MGAM2: variants seen among roughly 807,000 people sequenced by gnomAD.
The protein encoded by MGAM2 is maltase-glucoamylase 2 (putative), also known as probable maltase-glucoamylase 2.
MGAM2 carries 98 observed loss-of-function variants against 96.1 expected under a neutral mutation model. The ratio of observed to expected loss-of-function variants is 1.02; its 90% CI spans 0.87 to 1.21. The LOEUF is 1.21. Ranked by LOEUF, MGAM2 falls within the 50% of genes most tolerant of loss-of-function variation. The probability of loss-of-function intolerance (pLI) is 0.00; values close to 1 mark genes in which losing one functional copy is unlikely to be tolerated. For synonymous variants in MGAM2, 749 were observed against 414.8 expected (o/e 1.81, Z -9.79); for missense variants, 2,055 against 1,182.4 (o/e 1.74, Z -10.82).
chr7:142,190,251 A>C (rs909348078), intron 37 of MGAM2, among the ~76,000 whole-genome samples: 1 of 150,398 alleles, frequency 6.6e-6, no homozygotes, highest in Admixed American at 6.6e-5. Flanking sequence ...TTTTCTAAAA[A>C]GGCTGTACCA....
chr7:142,188,907 G>A (rs938328796), intron 36 of MGAM2, among the ~76,000 whole-genome samples: 2 of 152,214 alleles, frequency 1.3e-5, no homozygotes, highest in Non-Finnish European at 2.9e-5. Flanking sequence ...TTCAACTTGT[G>A]ATGGGTTCAT....
At chr7:142,185,668 A>G (rs1796671338) in intron 34 of MGAM2, among the ~76,000 whole-genome samples, 1 of 152,202 alleles carries the variant, frequency 6.6e-6, no homozygotes, top group Non-Finnish European at 1.5e-5. Context: ...AAGTAAAAAA[A>G]AAAAAGAAAA....
intron 31 of MGAM2, 102 bp from the exon 32 acceptor site, chr7:142,175,550 G>A: frequency 3.2e-6 from 2 of 628,904 alleles, no homozygotes; most frequent in Non-Finnish European, 5.6e-6. Context: ...GGCCTGGAAT[G>A]GGGCAGGCAG....
At position 142,201,418 on chromosome 7, in the gene MGAM2, G is replaced by A. The variant is rs547903327; in HGVS notation, c.5137+1450G>A. Among the ~76,000 whole-genome samples, 7 of 152,064 alleles carry A rather than the reference G, an allele frequency of 4.6e-5. No individual in the cohort carries two copies. The East Asian group carries it at 1.4e-3, about 29-fold the overall frequency. The stretch of plus-strand genomic sequence containing the variant: ...AACCATTGTTTCCATTTTAGATTAC[G>A]TCCATAGAGTAGATTCCTGGAAGTG... On this transcript the variant is annotated intron_variant, in intron 45 of 47. Coordinates refer to ENST00000477922, the MANE Select transcript of MGAM2 (RefSeq NM_001293626.2).
intron 6 of MGAM2, among the ~76,000 whole-genome samples, chr7:142,133,097 G>T (rs1169330121): frequency 4.6e-5 from 6 of 130,074 alleles, no homozygotes; most frequent in Admixed American, 1.6e-4. Context: ...TTATTTAATA[G>T]ACATTAATTT....
intron 37 of MGAM2, among the ~76,000 whole-genome samples, chr7:142,191,758 C>T (rs962147734): frequency 6.6e-6 from 1 of 151,930 alleles, no homozygotes; most frequent in African/African-American, 2.4e-5. Context: ...AAAATAGCAA[C>T]AGGGATTTTG....
At chr7:142,133,298 G>A (rs1794961580) in intron 6 of MGAM2, among the ~76,000 whole-genome samples, 1 of 143,406 alleles carries the variant, frequency 7.0e-6, no homozygotes. Context: ...TAAATATATA[G>A]TATATTTAAT....
intron 22 of MGAM2, among the ~76,000 whole-genome samples, chr7:142,161,594 A>T (rs1310077089): frequency 6.6e-6 from 1 of 152,222 alleles, no homozygotes; most frequent in African/African-American, 2.4e-5. Context: ...TAAGGTTTCC[A>T]TGTAAACACC....
intron 34 of MGAM2, among the ~76,000 whole-genome samples, 182 bp downstream of exon 34, chr7:142,185,321 T>A (rs1796662071): frequency 6.6e-6 from 1 of 152,128 alleles, no homozygotes; most frequent in Non-Finnish European, 1.5e-5. Context: ...ACAGCGAACA[T>A]GGAAATGTGT....
intron 3 of MGAM2, 35 bp from the exon 4 acceptor site, chr7:142,130,913 G>A: frequency 4.3e-6 from 3 of 700,314 alleles, no homozygotes; most frequent in Non-Finnish European, 7.8e-6. Context: ...CCTTCCCTCA[G>A]TTTATATACT....
intron 35 of MGAM2, 99 bp from the exon 36 acceptor site, chr7:142,187,651 T>G: frequency 1.6e-6 from 1 of 634,856 alleles, no homozygotes; most frequent in Non-Finnish European, 2.9e-6. Flanking sequence ...CCAGCTGAGC[T>G]GAGGGCTTCA....
Position 142,132,688 on chromosome 7 carries a change from T to G in MGAM2, c.575+603T>G, listed in dbSNP as rs1031648181. ...AATAAATATATTAATTATAATATAA[T>G]TAATAATATTAATTAATATAATTAA... On this transcript the variant is annotated intron_variant, in intron 6 of 47. Coordinates refer to ENST00000477922, the MANE Select transcript of MGAM2 (RefSeq NM_001293626.2). Among the ~76,000 whole-genome samples the G allele has an allele frequency of 1.1e-4, 14 of 126,154 alleles. No individual in the cohort carries two copies. In the East Asian group the frequency reaches 1.4e-3, roughly 12 times the overall value. 82.8% of individuals were successfully genotyped at this position (126,154 alleles called of 152,430 possible).
intron 10 of MGAM2, among the ~76,000 whole-genome samples, chr7:142,140,240 C>A (rs1054252435): frequency 2.8e-4 from 42 of 152,160 alleles, no homozygotes; most frequent in African/African-American, 9.9e-4. Flanking sequence ...CCCTACATTT[C>A]AATTTGCTCA....
chr7:142,119,039 G>A (rs1373632019), intron 2 of MGAM2, among the ~76,000 whole-genome samples: 2 of 152,038 alleles, frequency 1.3e-5, no homozygotes, highest in Non-Finnish European at 2.9e-5. Flanking sequence ...ACACTTTGAA[G>A]AAAACTATCA....
chr7:142,164,987 C>G lies in MGAM2; in HGVS notation c.2616C>G (p.Thr872=). Residue 872 remains threonine, a synonymous_variant, in exon 24 of 48, where the codon ACC becomes ACG. Coordinates refer to ENST00000477922, the MANE Select transcript of MGAM2 (RefSeq NM_001293626.2). ...TCGTCCTACTGAATAATGTTGCCAC[C>G]TCCAGTCCAAGCGTTGTCTACAATG... ...NFIVLLNNVA[T]SSPSVVYNAS... is the part of the protein sequence containing the mutation. The G allele has an allele frequency of 1.4e-6, 1 of 702,500 alleles. No individual in the cohort carries two copies. Among genetic ancestry groups the G allele is most frequent in the South Asian group, 1.5e-5 (1 of 67,482 alleles). The allele number at this position is 702,500 out of a possible 1,614,324, so 43.5% of individuals were successfully genotyped here. A position where few individuals can be genotyped will look rare whatever the true frequency, so the allele number is the denominator to read the frequency against.
intron 46 of MGAM2, among the ~76,000 whole-genome samples, chr7:142,212,760 A>G (rs542923170): frequency 8.5e-5 from 13 of 152,266 alleles, no homozygotes; most frequent in African/African-American, 3.1e-4. Flanking sequence ...CCCACTGTCA[A>G]TATTAGACAG....
intron 46 of MGAM2, 95 bp from the exon 47 acceptor site, chr7:142,218,266 A>G: frequency 2.0e-6 from 1 of 490,360 alleles, no homozygotes; most frequent in Non-Finnish European, 3.6e-6. Flanking sequence ...AACTAATATA[A>G]CAAAAGTAAA....
intron 3 of MGAM2, among the ~76,000 whole-genome samples, chr7:142,121,595 A>G (rs550121284): frequency 9.2e-5 from 14 of 152,020 alleles, no homozygotes; most frequent in Admixed American, 2.0e-4. Context: ...CTGTAAATAT[A>G]ATCCATTATA....
In MGAM2 at chr7:142,154,823, A is replaced by C; in HGVS notation, c.1901A>C (p.Asn634Thr). 4.3e-6 allele frequency: 3 copies of C among 703,520 alleles called. No individual in the cohort carries two copies. The highest frequency in any genetic ancestry group is 7.8e-6 in the Non-Finnish European group (3 of 385,064). The allele number at this position is 703,520 out of a possible 1,614,324, so 43.6% of individuals were successfully genotyped here. A position where few individuals can be genotyped will look rare whatever the true frequency, so the allele number is the denominator to read the frequency against. Residue 634 changes from asparagine to threonine, a missense_variant, in exon 17 of 48, where the codon AAT becomes ACT. Coordinates refer to ENST00000477922, the MANE Select transcript of MGAM2 (RefSeq NM_001293626.2). ...QLGAFYPLPRNHNGPGFRDQD... is the reference protein window; with the variant it reads ...QLGAFYPLPRTHNGPGFRDQD... ...GGAGCATTTTATCCACTACCAAGGA[A>C]TCACAATGGGCCTGGGTTCAGGGTA...
Sources: allele counts gnomAD v4.1 joint callset (sites outside exome capture counted in the v4.1 genomes callset), GRCh38; gene constraint gnomAD v4.1.1; transcripts MANE v1.5; gene names NCBI Gene and HGNC (gene_info 2026-07-23, HGNC 2026-07-21).